ATG4B: variants seen among roughly 807,000 people sequenced by gnomAD.
ATG4B encodes autophagy related 4B cysteine peptidase.
In ATG4B, 29 loss-of-function variants were observed where a neutral mutation model predicts 56.6. The observed-to-expected ratio is 0.51, with a 90% CI of 0.38 to 0.70. The LOEUF (loss-of-function observed/expected upper bound fraction) is 0.70. Ranked by LOEUF, ATG4B falls within the 30% of genes least tolerant of loss-of-function variation. The pLI, the probability that ATG4B is intolerant of heterozygous loss-of-function variation, is 0.00. For missense variants in ATG4B, 461 were observed against 515.5 expected (o/e 0.89, Z 1.02); for synonymous variants, 224 against 206.1 (o/e 1.09, Z -0.74).
chr2:241,669,412 G>T (rs1239234075), intron 10 of ATG4B, among the ~76,000 whole-genome samples: 1 of 152,202 alleles, frequency 6.6e-6, no homozygotes, highest in Non-Finnish European at 1.5e-5. Context: ...CTGAGCTGTG[G>T]CGCAGCCCCA....
At position 241,651,545 on chromosome 2, in the gene ATG4B, G is replaced by A. The variant is rs1364710788; in HGVS notation, c.184+210G>A. Among the ~76,000 whole-genome samples, 4 of 152,172 alleles carry A rather than the reference G, an allele frequency of 2.6e-5. No individual in the cohort carries two copies. Among genetic ancestry groups the A allele is most frequent in the African/African-American group, 9.7e-5 (4 of 41,436 alleles). ...ACTCTAGGCTAGTGTGTTTTCAACT[G>A]CAAATCCCAGCTTATTACTGGAGCT... On this transcript the variant is annotated intron_variant, in intron 3 of 12. Transcript: ENST00000404914. The surrounding 1 kb of genome is among the most constrained non-coding windows in gnomAD (Gnocchi z 4.1).
Position 241,668,715 on chromosome 2 carries a change from AT to A in ATG4B, c.957+33del. On this transcript the variant is annotated intron_variant, in intron 10 of 12. Coordinates refer to ENST00000404914, the MANE Select transcript of ATG4B (RefSeq NM_013325.5). This position sits in a 1 kb window ranked among gnomAD's most constrained non-coding sequence, Gnocchi z 4.2. ...GTGGCGGCCACCTGAGCACACAGGC[AT>A]TTGGTGCTGAATGCTGTTTGGGAAT... The A allele has an allele frequency of 6.5e-7, 1 of 1,550,166 alleles. No homozygotes were observed.
At chr2:241,641,489 G>A (rs981410735) in intron 1 of ATG4B, among the ~76,000 whole-genome samples, 1 of 151,568 alleles carries the variant, frequency 6.6e-6, no homozygotes, top group African/African-American at 2.4e-5. Context: ...GGCGGAGCTT[G>A]CAGTGAGCCA....
At chr2:241,671,449 C>CTG (rs2068967246) in intron 12 of ATG4B, 44 bp downstream of exon 12, 1 of 1,605,336 alleles carries the variant, frequency 6.2e-7, no homozygotes, top group African/African-American at 1.3e-5. Flanking sequence ...GAGGTACGAT[C>CTG]TGTGCCCTTG....
At chr2:241,666,286 C>T (rs191036408) in intron 7 of ATG4B, among the ~76,000 whole-genome samples, 10 of 152,306 alleles carry the variant, frequency 6.6e-5, no homozygotes, top group South Asian at 2.1e-4. Context: ...TGAGGAGGCC[C>T]GGAGGGAGCG....
chr2:241,646,149 T>C (rs2068054103), intron 1 of ATG4B, among the ~76,000 whole-genome samples: 1 of 152,222 alleles, frequency 6.6e-6, no homozygotes, highest in Non-Finnish European at 1.5e-5. Context: ...CACTCTGAAG[T>C]TGGCTTCCTT....
chr2:241,666,939 G>A (rs551695332), intron 8 of ATG4B, 101 bp downstream of exon 8: 22 of 1,357,624 alleles, frequency 1.6e-5, no homozygotes, highest in Admixed American at 1.1e-4. Flanking sequence ...TTGTGCAGCC[G>A]GCTCTCGGGG....
At chr2:241,644,669 G>A (rs943583669) in intron 1 of ATG4B, among the ~76,000 whole-genome samples, 1 of 152,148 alleles carries the variant, frequency 6.6e-6, no homozygotes, top group Non-Finnish European at 1.5e-5. Context: ...AGAAGTGTCG[G>A]CCGGTTGCGG....
intron 7 of ATG4B, among the ~76,000 whole-genome samples, chr2:241,663,869 G>T (rs1218390525): frequency 1.3e-5 from 2 of 151,632 alleles, no homozygotes; most frequent in Non-Finnish European, 2.9e-5. Flanking sequence ...TGCAGTGGTG[G>T]CACGATCTTG....
chr2:241,668,342 G>T lies in ATG4B; in HGVS notation c.811+121G>T. 1.4e-6 allele frequency: 2 copies of T among 1,394,598 alleles called. No individual in the cohort carries two copies. Among genetic ancestry groups the T allele is most frequent in the Non-Finnish European group, 2.0e-6 (2 of 1,007,724 alleles). 86.4% of individuals were successfully genotyped at this position (1,394,598 alleles called of 1,614,324 possible). On this transcript the variant is annotated intron_variant, in intron 9 of 12. Transcript: ENST00000404914. This position sits in a 1 kb window ranked among gnomAD's most constrained non-coding sequence, Gnocchi z 4.2. ...CTGGTGGAAAAGCAGCATGCCCTGG[G>T]GTTCATTTTCAGCCTGGTCGCGGGC...
chr2:241,642,872 CTTTTTTTTTTTTTT>C (rs1165718825), intron 1 of ATG4B, among the ~76,000 whole-genome samples: 1 of 104,258 alleles, frequency 9.6e-6, no homozygotes, highest in Non-Finnish European at 1.8e-5. Context: ...CCTCTCCGTC[CTTTTTTTTTTTTTT>C]TTTTTTTTTT....
In ATG4B at chr2:241,655,341, G is replaced by A; in HGVS notation, c.456G>A (p.Leu152=). 1 of 1,607,728 alleles carries A rather than the reference G, an allele frequency of 6.2e-7. No homozygotes were observed. ...WYGPNTVAQV[L]KKLAVFDTWS... is the part of the protein sequence containing the mutation. ...GGCCCAACACTGTCGCCCAGGTCCT[G>A]AAGTATGTACTGCGCTTCCACTGCT... Residue 152 remains leucine, a splice_region_variant and synonymous_variant, in exon 6 of 13, where the codon CTG becomes CTA. Transcript: ENST00000404914.
At chr2:241,658,011 G>A (rs1278967403) in intron 6 of ATG4B, among the ~76,000 whole-genome samples, 1 of 152,076 alleles carries the variant, frequency 6.6e-6, no homozygotes, top group Non-Finnish European at 1.5e-5. Context: ...GTCTGCCCAG[G>A]TACCCTTTGG....
intron 10 of ATG4B, among the ~76,000 whole-genome samples, chr2:241,669,918 A>C (rs1462592341): frequency 6.6e-6 from 1 of 152,136 alleles, no homozygotes; most frequent in Non-Finnish European, 1.5e-5. Flanking sequence ...GCACTCTAAC[A>C]GTCAGGTCAG....
chr2:241,648,072 C>T (rs1308930674), intron 1 of ATG4B, among the ~76,000 whole-genome samples: 1 of 152,054 alleles, frequency 6.6e-6, no homozygotes, highest in East Asian at 1.9e-4. Flanking sequence ...CAAGATCATG[C>T]CACTGCACTT....
In ATG4B at chr2:241,651,207, A is replaced by G; in HGVS notation, c.113-57A>G. Reference sequence around the variant, plus strand: ...TCTGCTAACTCTGCCATAACTTGTGACTTGCAAACTTAAGGCGTTGTGTGT... The same window carrying G: ...TCTGCTAACTCTGCCATAACTTGTGGCTTGCAAACTTAAGGCGTTGTGTGT... On this transcript the variant is annotated intron_variant, in intron 2 of 12. Transcript: ENST00000404914. The surrounding 1 kb of genome is among the most constrained non-coding windows in gnomAD (Gnocchi z 4.1). 9.0e-6 allele frequency: 14 copies of G among 1,558,138 alleles called. No homozygotes were observed. The highest frequency in any genetic ancestry group is 1.2e-5 in the Non-Finnish European group (14 of 1,145,762).
At chr2:241,654,680 C>A in intron 5 of ATG4B, 33 bp downstream of exon 5, 1 of 1,544,604 alleles carries the variant, frequency 6.5e-7, no homozygotes, top group East Asian at 2.4e-5. Flanking sequence ...AGGCCCCACC[C>A]GGGCTGTCTG....
chr2:241,660,343 T>C (rs377243993), intron 7 of ATG4B, among the ~76,000 whole-genome samples: 21 of 152,298 alleles, frequency 1.4e-4, no homozygotes, highest in African/African-American at 4.8e-4. Context: ...GCCTCTCCAT[T>C]CTGTTTCTTC....
intron 12 of ATG4B, 48 bp downstream of exon 12, chr2:241,671,453 GC>G: frequency 6.2e-7 from 1 of 1,602,646 alleles, no homozygotes; most frequent in Non-Finnish European, 8.5e-7. Context: ...TACGATCTGT[GC>G]CCTTGCTTCC....
Sources: gnomAD v4.1 joint callset for allele counts (sites outside exome capture counted in the v4.1 genomes callset) on GRCh38, gnomAD v4.1.1 for gene constraint, Gnocchi (gnomAD v3.1) non-coding constraint, MANE v1.5 for transcripts, NCBI Gene and HGNC (gene_info 2026-07-23, HGNC 2026-07-21) for gene names.